The following TAOK3 variants were observed in gnomAD, a reference collection of about 807,000 sequenced individuals.
The protein encoded by TAOK3 is serine/threonine-protein kinase TAO3.
A neutral mutation model predicts 120.4 loss-of-function variants in TAOK3; 40 were observed. The observed-to-expected ratio is 0.33, with a 90% confidence interval of 0.26 to 0.43. The LOEUF is 0.43. Ranked by LOEUF, TAOK3 falls within the 20% of genes least tolerant of loss-of-function variation. TAOK3 has a pLI of 1.00. For missense variants in TAOK3, 821 were observed against 1,112.1 expected (o/e 0.74, Z 3.72); for synonymous variants, 355 against 387.5 (o/e 0.92, Z 0.99).
At chr12:118,279,228 T>C (rs2042007722) in intron 1 of TAOK3, among the ~76,000 whole-genome samples, 1 of 152,220 alleles carries the variant, frequency 6.6e-6, no homozygotes, top group African/African-American at 2.4e-5. Context: ...TGTCTTCTTT[T>C]GAAAAGTGTC....
At chr12:118,282,555 C>A (rs2042133014) in intron 1 of TAOK3, among the ~76,000 whole-genome samples, 1 of 152,102 alleles carries the variant, frequency 6.6e-6, no homozygotes, top group Non-Finnish European at 1.5e-5. Context: ...ATAATAGAAA[C>A]CAACTCTGGC....
rs1190393070 is a variant in TAOK3 at position 118,371,750 on chromosome 12, C to T, written c.-194+898G>A. Among the ~76,000 whole-genome samples the T allele has an allele frequency of 6.6e-6, 1 of 152,080 alleles. No individual in the cohort carries two copies. Reference sequence around the variant, plus strand: ...CCGCTCCCTCGCTGCTCACGCCGGGCCCCCGCTATGTGACTGGGGGCCCGA... The same window carrying T: ...CCGCTCCCTCGCTGCTCACGCCGGGTCCCCGCTATGTGACTGGGGGCCCGA... On this transcript the variant is annotated intron_variant, in intron 1 of 20. Transcript: ENST00000392533. The surrounding 1 kb of genome is among the most constrained non-coding windows in gnomAD (Gnocchi z 5.5).
intron 11 of TAOK3, among the ~76,000 whole-genome samples, chr12:118,206,667 G>T (rs2038330982): frequency 6.6e-6 from 1 of 151,854 alleles, no homozygotes; most frequent in Admixed American, 6.6e-5. Flanking sequence ...CGCCATCTCA[G>T]CTCACCGCAA....
At chr12:118,319,290 A>G (rs2043601130) in intron 1 of TAOK3, among the ~76,000 whole-genome samples, 1 of 152,244 alleles carries the variant, frequency 6.6e-6, no homozygotes, top group Non-Finnish European at 1.5e-5. Flanking sequence ...AAAAGCTTTT[A>G]CAGGAAACAA....
At chr12:118,199,020 T>G in intron 13 of TAOK3, 31 bp downstream of exon 13, 2 of 1,612,496 alleles carry the variant, frequency 1.2e-6, no homozygotes, top group Non-Finnish European at 1.7e-6. Context: ...TTGACAAAGC[T>G]CACCTCTGTG....
chr12:118,255,858 G>A (rs949889294), intron 2 of TAOK3: 4 of 216,894 alleles, frequency 1.8e-5, no homozygotes, highest in Admixed American at 1.2e-4. Flanking sequence ...TGAGGCGGGC[G>A]GATCACCTGA....
intron 1 of TAOK3, among the ~76,000 whole-genome samples, chr12:118,363,302 C>T (rs1253238311): frequency 2.0e-5 from 3 of 152,070 alleles, no homozygotes; most frequent in Admixed American, 1.3e-4. Context: ...TTATATCTTA[C>T]AATTGCACAC....
At chr12:118,358,681 A>AT (rs955017485) in intron 1 of TAOK3, among the ~76,000 whole-genome samples, 1 of 152,156 alleles carries the variant, frequency 6.6e-6, no homozygotes, top group African/African-American at 2.4e-5. Flanking sequence ...AAAAAATTAA[A>AT]TTTTTTTGAA....
intron 19 of TAOK3, among the ~76,000 whole-genome samples, chr12:118,156,100 T>C (rs553642445): frequency 5.3e-5 from 8 of 152,264 alleles, no homozygotes; most frequent in Admixed American, 1.3e-4. Flanking sequence ...GCTGAGCATA[T>C]AAAGATTAAC....
intron 9 of TAOK3, among the ~76,000 whole-genome samples, chr12:118,215,355 C>CA (rs927074596): frequency 2.3e-5 from 3 of 132,430 alleles, no homozygotes; most frequent in Admixed American, 7.5e-5. Context: ...AAAAGAAATA[C>CA]AAAAAAATTA....
chr12:118,218,021 C>T (rs1024267587), intron 9 of TAOK3, among the ~76,000 whole-genome samples: 6 of 150,232 alleles, frequency 4.0e-5, no homozygotes, highest in African/African-American at 1.5e-4. Flanking sequence ...CACCACGCCT[C>T]GCTAATTTTT....
intron 1 of TAOK3, among the ~76,000 whole-genome samples, chr12:118,302,832 C>G (rs916235190): frequency 3.3e-5 from 5 of 152,102 alleles, no homozygotes; most frequent in African/African-American, 1.2e-4. Flanking sequence ...TTGGAAAACA[C>G]AGCATTTTTT....
At chr12:118,268,028 T>C (rs1352716332) in intron 1 of TAOK3, among the ~76,000 whole-genome samples, 1 of 152,186 alleles carries the variant, frequency 6.6e-6, no homozygotes, top group Non-Finnish European at 1.5e-5. Flanking sequence ...ATTATATGTG[T>C]AATTCCATAG....
intron 9 of TAOK3, among the ~76,000 whole-genome samples, chr12:118,215,297 C>T (rs1313255127): frequency 1.6e-5 from 2 of 125,880 alleles, no homozygotes; most frequent in Non-Finnish European, 3.2e-5. Flanking sequence ...AGATCGAGAC[C>T]ATCCTGGCTA....
At chr12:118,251,188 T>C (rs2040736397) in intron 3 of TAOK3, among the ~76,000 whole-genome samples, 2 of 152,128 alleles carry the variant, frequency 1.3e-5, no homozygotes, top group Admixed American at 6.5e-5. Context: ...AAGCAGGCAA[T>C]CATAGTTGTC....
chr12:118,187,869 G>A (rs1385833197), intron 14 of TAOK3, among the ~76,000 whole-genome samples: 1 of 152,194 alleles, frequency 6.6e-6, no homozygotes, highest in Non-Finnish European at 1.5e-5. Context: ...GATTCAGAGG[G>A]TTCCTGAGGA....
At chr12:118,312,509 T>C (rs2043300693) in intron 1 of TAOK3, among the ~76,000 whole-genome samples, 1 of 152,182 alleles carries the variant, frequency 6.6e-6, no homozygotes. Context: ...AAGTAGACGG[T>C]AGCAAGGGAT....
At chr12:118,358,192 C>T (rs1205175160) in intron 1 of TAOK3, among the ~76,000 whole-genome samples, 1 of 152,064 alleles carries the variant, frequency 6.6e-6, no homozygotes, top group Admixed American at 6.5e-5. Flanking sequence ...ATCTGTTTTC[C>T]TACTTAAACT....
intron 9 of TAOK3, among the ~76,000 whole-genome samples, chr12:118,224,863 A>G (rs900305738): frequency 4.6e-5 from 7 of 152,166 alleles, no homozygotes; most frequent in South Asian, 2.1e-4. Flanking sequence ...CACCATAAAG[A>G]AAGGGGATAA....
Sources: allele counts gnomAD v4.1 joint callset (sites outside exome capture counted in the v4.1 genomes callset), GRCh38; gene constraint gnomAD v4.1.1; non-coding constraint Gnocchi (gnomAD v3.1); transcripts MANE v1.5; gene names NCBI Gene and HGNC (gene_info 2026-07-23, HGNC 2026-07-21).